Variants in CDC42BPB observed in about 807,000 individuals in gnomAD.
CDC42BPB encodes serine/threonine-protein kinase MRCK beta.
In CDC42BPB, 37 loss-of-function variants were observed where a neutral mutation model predicts 214.9. That is an observed-to-expected ratio of 0.17 (90% CI 0.13 to 0.23). The LOEUF (loss-of-function observed/expected upper bound fraction) is 0.23. Ranked by LOEUF, CDC42BPB falls within the 10% of genes least tolerant of loss-of-function variation. The pLI is 1.00. For missense variants in CDC42BPB, 1,694 were observed against 2,227.0 expected, an observed-to-expected ratio of 0.76 and a Z score of 4.82; for synonymous variants, 931 against 884.0, an observed-to-expected ratio of 1.05 and a Z score of -0.94.
chr14:103,003,071 G>C (rs945972400), intron 4 of CDC42BPB, among the ~76,000 whole-genome samples: 1 of 152,046 alleles, frequency 6.6e-6, no homozygotes, highest in Non-Finnish European at 1.5e-5. Context: ...AGGAAGCCTC[G>C]GGTCCCTGCT....
At chr14:102,958,953 G>C (rs34057274) in intron 21 of CDC42BPB, among the ~76,000 whole-genome samples, 1 of 147,870 alleles carries the variant, frequency 6.8e-6, no homozygotes, top group Non-Finnish European at 1.5e-5. Flanking sequence ...GATTACAGGC[G>C]TGAGCCACTG....
chr14:102,945,014 C>T (rs1020498446), intron 29 of CDC42BPB, among the ~76,000 whole-genome samples: 6 of 152,346 alleles, frequency 3.9e-5, no homozygotes, highest in Admixed American at 3.9e-4. Context: ...GAAGACGCCG[C>T]CCTCACACGG....
chr14:103,057,279 C>T lies in CDC42BPB; in HGVS notation c.-106G>A. ...CGGCGGCTGCGAGCCCCGGCAGCAGCGGCGCCTCCTCGCCGCCCCGTCCGC... is the reference window on the plus strand; with the variant it reads ...CGGCGGCTGCGAGCCCCGGCAGCAGTGGCGCCTCCTCGCCGCCCCGTCCGC... On this transcript the variant is annotated 5_prime_UTR_variant, in exon 1 of 37. Coordinates refer to ENST00000361246, the MANE Select transcript of CDC42BPB (RefSeq NM_006035.4). 1 of 1,133,722 alleles carries T rather than the reference C, an allele frequency of 8.8e-7. No homozygotes were observed. Among genetic ancestry groups the T allele is most frequent in the East Asian group, 4.5e-5 (1 of 22,124 alleles). The allele number at this position is 1,133,722 out of a possible 1,614,324, so 70.2% of individuals were successfully genotyped here. A position where few individuals can be genotyped will look rare whatever the true frequency, so the allele number is the denominator to read the frequency against.
At chr14:103,055,300 G>GTA (rs1364126630) in intron 1 of CDC42BPB, among the ~76,000 whole-genome samples, 1 of 152,192 alleles carries the variant, frequency 6.6e-6, no homozygotes, top group Non-Finnish European at 1.5e-5. Context: ...GTGCGTGCCT[G>GTA]TAGTCCCAGC....
chr14:103,006,641 A>T (rs923138072), intron 3 of CDC42BPB, among the ~76,000 whole-genome samples: 4 of 152,354 alleles, frequency 2.6e-5, no homozygotes, highest in Admixed American at 2.6e-4. Flanking sequence ...ATTTTTTATA[A>T]ATCAGTATTA....
intron 20 of CDC42BPB, chr14:102,959,947 C>G (rs1892884165): frequency 1.6e-6 from 1 of 614,898 alleles, no homozygotes; most frequent in Non-Finnish European, 2.0e-6. Context: ...TGGCTCACGC[C>G]TGTAATCCCA....
At chr14:102,987,274 C>T (rs1406051640) in intron 5 of CDC42BPB, among the ~76,000 whole-genome samples, 2 of 152,232 alleles carry the variant, frequency 1.3e-5, no homozygotes, top group Non-Finnish European at 2.9e-5. Context: ...GTCCCACTAA[C>T]GCCTGTTTCT....
At position 102,938,257 on chromosome 14, in the gene CDC42BPB, C is replaced by G. The variant is rs781133205; in HGVS notation, c.4933+49G>C. On this transcript the variant is annotated intron_variant, in intron 35 of 36. Transcript: ENST00000361246. The stretch of plus-strand genomic sequence containing the variant: ...CTGGGGTCTCCCCATTCCAGCACCC[C>G]CTACCCCCCACCTCCCCCAGGGCTG... 4 of 1,599,332 alleles carry G rather than the reference C, an allele frequency of 2.5e-6. No homozygotes were observed. In the East Asian group the frequency reaches 6.7e-5, roughly 27 times the overall value.
intron 12 of CDC42BPB, 65 bp from the exon 13 acceptor site, chr14:102,972,226 G>C: frequency 6.3e-7 from 1 of 1,584,126 alleles, no homozygotes; most frequent in South Asian, 1.2e-5. Flanking sequence ...CTGGAGGTTC[G>C]GTCTTCCATG....
At position 102,946,638 on chromosome 14, in the gene CDC42BPB, A is replaced by T; in HGVS notation, c.3578T>A (p.Leu1193His). Residue 1193 changes from leucine to histidine, a missense_variant, in exon 28 of 37, where the codon CTC becomes CAC. Transcript: ENST00000361246. ...LGAPSKTSSL[L>H]ILTENENEKR... is the part of the protein sequence containing the mutation. ...TTCATTCTCATTTTCTGTCAGAATGAGCAGCGAGCTGGTCTTAGAAGGTGC... is the reference window on the plus strand; with the variant it reads ...TTCATTCTCATTTTCTGTCAGAATGTGCAGCGAGCTGGTCTTAGAAGGTGC... The T allele has an allele frequency of 6.2e-7, 1 of 1,612,812 alleles. No individual in the cohort carries two copies. The highest frequency in any genetic ancestry group is 8.5e-7 in the Non-Finnish European group (1 of 1,179,962).
chr14:103,045,035 AAAATAAAT>A (rs36127793), intron 1 of CDC42BPB, among the ~76,000 whole-genome samples: 57 of 146,184 alleles, frequency 3.9e-4, no homozygotes, highest in East Asian at 1.0e-3. Flanking sequence ...CTCTGTCTCT[AAAATAAAT>A]AAATAAATAA....
chr14:102,939,744 C>A lies in CDC42BPB; in HGVS notation c.4710-17G>T, dbSNP rs1566839173. Reference sequence around the variant, plus strand: ...AGCATCTCTCTGGGGAAAGGACACACTTTTGAGATTCATGGATACGTGAGA... The same window carrying A: ...AGCATCTCTCTGGGGAAAGGACACAATTTTGAGATTCATGGATACGTGAGA... On this transcript the variant is annotated splice_polypyrimidine_tract_variant and intron_variant, in intron 33 of 36. Transcript: ENST00000361246. 2.5e-6 allele frequency: 4 copies of A among 1,614,146 alleles called. No individual in the cohort carries two copies. Among genetic ancestry groups the A allele is most frequent in the African/African-American group, 2.7e-5 (2 of 75,084 alleles).
chr14:103,005,605 G>A (rs1895201212), intron 3 of CDC42BPB, among the ~76,000 whole-genome samples: 1 of 152,084 alleles, frequency 6.6e-6, no homozygotes, highest in South Asian at 2.1e-4. Context: ...AGCTACTCAA[G>A]AGGCTGAGGT....
At chr14:102,979,677 ACT>A (rs768063749) in intron 8 of CDC42BPB, among the ~76,000 whole-genome samples, 3 of 151,838 alleles carry the variant, frequency 2.0e-5, no homozygotes, top group Non-Finnish European at 4.4e-5. Flanking sequence ...GGTGTAAGAA[ACT>A]CTCTAAATTA....
intron 32 of CDC42BPB, 42 bp from the exon 33 acceptor site, chr14:102,939,989 G>A (rs1891817345): frequency 6.2e-7 from 1 of 1,613,714 alleles, no homozygotes. Flanking sequence ...GCGGCACCAG[G>A]GACACACGCC....
intron 26 of CDC42BPB, 66 bp downstream of exon 26, chr14:102,949,699 G>A (rs1349246903): frequency 1.3e-5 from 21 of 1,596,060 alleles, no homozygotes; most frequent in Admixed American, 3.4e-5. Context: ...GGAACACACC[G>A]TCCTTTTGGC....
chr14:102,965,148 A>C (rs773477124), intron 18 of CDC42BPB, among the ~76,000 whole-genome samples: 3 of 151,952 alleles, frequency 2.0e-5, no homozygotes, highest in Non-Finnish European at 4.4e-5. Flanking sequence ...TGGCCAGGCT[A>C]GTCTCCAACT....
intron 28 of CDC42BPB, 57 bp from the exon 29 acceptor site, chr14:102,945,781 G>T: frequency 6.7e-7 from 1 of 1,482,292 alleles, no homozygotes; most frequent in Non-Finnish European, 9.4e-7. Flanking sequence ...GAACAATATG[G>T]GTTTGAATGC....
chr14:102,983,199 G>A (rs1047347738), intron 7 of CDC42BPB, among the ~76,000 whole-genome samples: 1 of 152,084 alleles, frequency 6.6e-6, no homozygotes, highest in Admixed American at 6.5e-5. Flanking sequence ...GCTACCCCCG[G>A]GCGCCTCACT....
Sources: gnomAD v4.1 joint callset for allele counts (sites outside exome capture counted in the v4.1 genomes callset) on GRCh38, gnomAD v4.1.1 for gene constraint, MANE v1.5 for transcripts, NCBI Gene and HGNC (gene_info 2026-07-23, HGNC 2026-07-21) for gene names.